Variants in PCDHA7 observed in about 807,000 individuals in gnomAD.
The protein encoded by PCDHA7 is protocadherin alpha 7.
In PCDHA7, 37 loss-of-function variants were observed where a neutral mutation model predicts 57.2. That is an observed-to-expected ratio of 0.65 (90% confidence interval 0.50 to 0.85). The LOEUF is 0.85. PCDHA7 is among the 40% of genes least tolerant of loss of function. The pLI is 0.00. For missense variants in PCDHA7, 1,188 were observed against 1,241.8 expected (o/e 0.96, Z 0.65); for synonymous variants, 553 against 558.8 (o/e 0.99, Z 0.15).
intron 3 of PCDHA7, among the ~76,000 whole-genome samples, chr5:141,000,421 A>ATT (rs34755515): frequency 0.021 from 589 of 27,976 alleles, 60 homozygotes; most frequent in Middle Eastern, 0.062. Flanking sequence ...ATATATATAT[A>ATT]TTTTTTTTTT....
rs915171063 is a variant in PCDHA7 at position 140,977,108 on chromosome 5, T to C, written c.2356-1841T>C. On this transcript the variant is annotated intron_variant, in intron 1 of 3. Transcript: ENST00000525929. ...AAATGTGTCATTGGGGAAGTGAGAT[T>C]GTATAATGAACTGAGTTTCCTGGTC... 6.6e-5 allele frequency among the ~76,000 whole-genome samples: 10 copies of C among 152,302 alleles called. No homozygotes were observed. The East Asian group carries it at 1.9e-3, about 29-fold the overall frequency.
intron 1 of PCDHA7, among the ~76,000 whole-genome samples, chr5:140,891,039 A>AC (rs143686625): frequency 6.6e-6 from 1 of 152,040 alleles, no homozygotes; most frequent in East Asian, 1.9e-4. Flanking sequence ...CTTAGGTGTG[A>AC]CCCCCACAGC....
At chr5:140,992,319 T>C (rs1474763849) in intron 3 of PCDHA7, among the ~76,000 whole-genome samples, 1 of 152,174 alleles carries the variant, frequency 6.6e-6, no homozygotes, top group Admixed American at 6.6e-5. Context: ...GGGCATTCCC[T>C]TTTCTAAGAG....
At chr5:140,850,264 T>A in intron 1 of PCDHA7, 1 of 1,594,136 alleles carries the variant, frequency 6.3e-7, no homozygotes, top group Non-Finnish European at 8.6e-7. Flanking sequence ...GCCGGCGTAG[T>A]GGTGGGGAAG....
intron 1 of PCDHA7, among the ~76,000 whole-genome samples, chr5:140,977,960 A>G (rs760810328): frequency 9.2e-5 from 14 of 152,142 alleles, no homozygotes; most frequent in Non-Finnish European, 1.3e-4. Flanking sequence ...GGCCACCTCA[A>G]TCTCCGCCCA....
At position 140,926,291 on chromosome 5, in the gene PCDHA7, G is replaced by A. The variant is rs545188065; in HGVS notation, c.2356-52658G>A. 3.9e-5 allele frequency: 6 copies of A among 152,438 alleles called. No individual in the cohort carries two copies. The South Asian group carries it at 1.0e-3, about 26-fold the overall frequency. 9.4% of individuals were successfully genotyped at this position (152,438 alleles called of 1,614,324 possible). A position where few individuals can be genotyped will look rare whatever the true frequency, so the allele number is the denominator to read the frequency against. ...CCTCCGCTCGGCAGCTCCACGCTGA[G>A]TCCCGCCCTCTCCGCCGGAGAGGTG... On this transcript the variant is annotated intron_variant, in intron 1 of 3. Transcript: ENST00000525929.
At chr5:140,844,484 A>G (rs1442751127) in intron 1 of PCDHA7, among the ~76,000 whole-genome samples, 1 of 149,426 alleles carries the variant, frequency 6.7e-6, no homozygotes, top group Non-Finnish European at 1.5e-5. Context: ...CTCTATGTTT[A>G]GGAAATGATT....
intron 1 of PCDHA7, among the ~76,000 whole-genome samples, chr5:140,902,930 A>G (rs1252677303): frequency 1.3e-5 from 2 of 152,190 alleles, no homozygotes; most frequent in Non-Finnish European, 2.9e-5. Context: ...CATGGTGTAT[A>G]TATACCACAT....
At position 140,857,279 on chromosome 5, in the gene PCDHA7, G is replaced by A. The variant is rs782434219; in HGVS notation, c.2355+20541G>A. 6 of 1,598,610 alleles carry A rather than the reference G, an allele frequency of 3.8e-6. No homozygotes were observed. Among genetic ancestry groups the A allele is most frequent in the Admixed American group, 1.7e-5 (1 of 59,324 alleles). Reference sequence around the variant, plus strand: ...TTACTACTCATTGGTGCTGGACAGCGCTCTGGACCGCGAGAGGGTGTCGGC... The same window carrying A: ...TTACTACTCATTGGTGCTGGACAGCACTCTGGACCGCGAGAGGGTGTCGGC... On this transcript the variant is annotated intron_variant, in intron 1 of 3. Coordinates refer to ENST00000525929, the MANE Select transcript of PCDHA7 (RefSeq NM_018910.3).
At chr5:140,870,292 G>A (rs782159013) in intron 1 of PCDHA7, 1 of 1,614,176 alleles carries the variant, frequency 6.2e-7, no homozygotes, top group Non-Finnish European at 8.5e-7. Context: ...CTTCAAGCTG[G>A]TGTCCACCTT....
At chr5:140,856,497 G>GA (rs781946866) in intron 1 of PCDHA7, 1 of 1,598,346 alleles carries the variant, frequency 6.3e-7, no homozygotes, top group Admixed American at 1.7e-5. Flanking sequence ...CTTGACTCTC[G>GA]ATTTCCACTA....
At chr5:140,836,991 C>A in intron 1 of PCDHA7, 2 of 347,628 alleles carry the variant, frequency 5.8e-6, no homozygotes, top group Non-Finnish European at 1.0e-5. Context: ...GAGGACTTTG[C>A]TAACTGGAGC....
chr5:140,836,498 C>T lies in PCDHA7; in HGVS notation c.2115C>T (p.Cys705=). The part of the protein sequence containing the change: ...DVNVYLIIAI[C]AVSSLLVLTL... Reference sequence around the variant, plus strand: ...ACGTGTACCTGATCATCGCCATCTGCGCGGTGTCCAGTCTGTTGGTGCTTA... The same window carrying T: ...ACGTGTACCTGATCATCGCCATCTGTGCGGTGTCCAGTCTGTTGGTGCTTA... Residue 705 remains cysteine (C), a synonymous_variant, in exon 1 of 4, where the codon TGC becomes TGT. Transcript: ENST00000525929. The T allele has an allele frequency of 1.9e-6, 3 of 1,613,896 alleles. No homozygotes were observed. In the South Asian group the frequency reaches 3.3e-5, roughly 18 times the overall value.
In PCDHA7 at chr5:140,922,291, T is replaced by A. The variant is rs951080588; in HGVS notation, c.2356-56658T>A. ...AGATTGGACCAAGATATGAAAATGC[T>A]AGGAGAGGATACCTTTCACTGAAGA... On this transcript the variant is annotated intron_variant, in intron 1 of 3. Coordinates refer to ENST00000525929, the MANE Select transcript of PCDHA7 (RefSeq NM_018910.3). Among the ~76,000 whole-genome samples, 38 of 152,228 alleles carry A rather than the reference T, an allele frequency of 2.5e-4. 1 individual carries two copies. The highest frequency in any genetic ancestry group is 1.5e-5 in the Non-Finnish European group (1 of 68,048).
intron 1 of PCDHA7, chr5:140,857,107 T>C (rs1206126233): frequency 6.3e-7 from 1 of 1,597,628 alleles, no homozygotes; most frequent in Non-Finnish European, 8.6e-7. Flanking sequence ...TTGTCACTTC[T>C]CTGTCTCTCC....
At chr5:140,968,396 G>A (rs1181874720) in intron 1 of PCDHA7, 1 of 1,613,890 alleles carries the variant, frequency 6.2e-7, no homozygotes, top group Non-Finnish European at 8.5e-7. Flanking sequence ...GAAGTTTCGG[G>A]AGTTCTTTGT....
chr5:140,990,649 T>C (rs1465284882), intron 3 of PCDHA7, among the ~76,000 whole-genome samples: 1 of 152,212 alleles, frequency 6.6e-6, no homozygotes, highest in African/African-American at 2.4e-5. Context: ...TCAGCCAGTA[T>C]GAATGATTTA....
At chr5:140,993,198 A>C (rs1554253472) in intron 3 of PCDHA7, among the ~76,000 whole-genome samples, 1 of 151,946 alleles carries the variant, frequency 6.6e-6, no homozygotes, top group African/African-American at 2.4e-5. Context: ...AACTCACTAA[A>C]GCTAATTTTT....
chr5:140,876,118 G>T, intron 1 of PCDHA7: 1 of 1,613,926 alleles, frequency 6.2e-7, no homozygotes, highest in South Asian at 1.1e-5. Context: ...GATGGTAATC[G>T]ATGGCGGTAA....
Sources: allele counts gnomAD v4.1 joint callset (sites outside exome capture counted in the v4.1 genomes callset), GRCh38; gene constraint gnomAD v4.1.1; transcripts MANE v1.5; gene names NCBI Gene and HGNC (gene_info 2026-07-23, HGNC 2026-07-21).